The following ADK variants were observed in gnomAD, a reference collection of about 807,000 sequenced individuals.
The protein encoded by ADK is adenosine kinase, also known as N6,N6-dimethyladenosine kinase.
A neutral mutation model predicts 44.7 loss-of-function variants in ADK; 24 were observed. The observed-to-expected ratio is 0.54, with a 90% CI of 0.39 to 0.76. The LOEUF is 0.76. Among genes scored for constraint, ADK ranks in the 30% least tolerant of loss-of-function variants. The pLI, the probability that ADK is intolerant of heterozygous loss-of-function variation, is 0.00. For synonymous variants in ADK, 128 were observed against 142.6 expected, an observed-to-expected ratio of 0.90 and a Z score of 0.73; for missense variants, 321 against 425.1, an observed-to-expected ratio of 0.76 and a Z score of 2.15.
chr10:74,229,429 G>T (rs958152824), intron 3 of ADK, among the ~76,000 whole-genome samples: 3 of 129,192 alleles, frequency 2.3e-5, no homozygotes, highest in East Asian at 4.4e-4. Context: ...ATGGAGTCTC[G>T]CTCTGTCGCC....
chr10:74,480,663 C>A (rs1261508759), intron 6 of ADK, among the ~76,000 whole-genome samples: 1 of 152,088 alleles, frequency 6.6e-6, no homozygotes, highest in Non-Finnish European at 1.5e-5. Context: ...AATACTGTTT[C>A]ATCATTAAGG....
chr10:74,682,185 C>A (rs1190909226), intron 10 of ADK, among the ~76,000 whole-genome samples: 1 of 152,144 alleles, frequency 6.6e-6, no homozygotes, highest in Non-Finnish European at 1.5e-5. Context: ...CAAAATACTG[C>A]TTAGCAGTAC....
intron 6 of ADK, among the ~76,000 whole-genome samples, chr10:74,465,455 T>G (rs910051509): frequency 6.6e-6 from 1 of 152,164 alleles, no homozygotes; most frequent in African/African-American, 2.4e-5. Context: ...ATCAAAAGCC[T>G]TTAGAGGGTT....
chr10:74,488,248 T>C (rs961856031), intron 6 of ADK, among the ~76,000 whole-genome samples: 12 of 151,854 alleles, frequency 7.9e-5, no homozygotes, highest in African/African-American at 1.4e-4. Context: ...CTTGACTATA[T>C]ATTAGATAAT....
intron 6 of ADK, 22 bp from the exon 7 acceptor site, chr10:74,525,234 C>G (rs1437989392): frequency 6.2e-7 from 1 of 1,610,682 alleles, no homozygotes; most frequent in African/African-American, 1.3e-5. Context: ...TTCTAATTTT[C>G]CCTCCTTTTT....
At chr10:74,301,043 T>C (rs565010244) in intron 3 of ADK, among the ~76,000 whole-genome samples, 1 of 152,338 alleles carries the variant, frequency 6.6e-6, no homozygotes, top group South Asian at 2.1e-4. Context: ...AAAGCTCTGA[T>C]AGAATTCTAT....
chr10:74,409,668 T>C (rs1327346290), intron 6 of ADK, among the ~76,000 whole-genome samples: 1 of 152,166 alleles, frequency 6.6e-6, no homozygotes, highest in African/African-American at 2.4e-5. Context: ...TTGGAGAATG[T>C]GGTTTTTGTG....
At chr10:74,584,013 CAAG>C in intron 7 of ADK, among the ~76,000 whole-genome samples, 1 of 152,252 alleles carries the variant, frequency 6.6e-6, no homozygotes, top group East Asian at 1.9e-4. Flanking sequence ...GGCTTGTGAT[CAAG>C]AAGATGAACA....
intron 4 of ADK, among the ~76,000 whole-genome samples, chr10:74,331,674 C>T (rs553098922): frequency 2.4e-4 from 37 of 152,056 alleles, no homozygotes; most frequent in African/African-American, 6.5e-4. Flanking sequence ...TTAATAGAGA[C>T]GGGATTTCAT....
intron 5 of ADK, 69 bp from the exon 6 acceptor site, chr10:74,398,402 G>T: frequency 1.0e-6 from 1 of 989,598 alleles, no homozygotes. Flanking sequence ...AAAAATATTG[G>T]TAATTATCTA....
At chr10:74,622,921 C>T (rs549696250) in intron 9 of ADK, among the ~76,000 whole-genome samples, 3 of 152,146 alleles carry the variant, frequency 2.0e-5, no homozygotes, top group South Asian at 2.1e-4. Flanking sequence ...GCAGGAGAAT[C>T]GTTAGAACCC....
chr10:74,569,311 CAAATG>C (rs1322732637), intron 7 of ADK, among the ~76,000 whole-genome samples: 1 of 152,146 alleles, frequency 6.6e-6, no homozygotes, highest in African/African-American at 2.4e-5. Context: ...ATTGCTGGGT[CAAATG>C]GTATTTCTAG....
intron 1 of ADK, among the ~76,000 whole-genome samples, chr10:74,159,932 G>A (rs10740420): frequency 0.54 from 81,424 of 151,994 alleles, 22,816 homozygotes; most frequent in Non-Finnish European, 0.62. Context: ...GGAGTTCACC[G>A]CTTGTCTCTG....
At chr10:74,350,837 A>G (rs1029003347) in intron 4 of ADK, among the ~76,000 whole-genome samples, 2 of 152,166 alleles carry the variant, frequency 1.3e-5, no homozygotes, top group Non-Finnish European at 2.9e-5. Context: ...ACATTCCTGG[A>G]TACATTCCTG....
At chr10:74,377,546 G>A (rs1842852724) in intron 4 of ADK, among the ~76,000 whole-genome samples, 1 of 152,172 alleles carries the variant, frequency 6.6e-6, no homozygotes, top group Non-Finnish European at 1.5e-5. Flanking sequence ...GTGAAACTTA[G>A]GACTCAAAGG....
intron 6 of ADK, among the ~76,000 whole-genome samples, chr10:74,513,085 A>G (rs992744482): frequency 3.3e-5 from 5 of 152,068 alleles, no homozygotes; most frequent in Non-Finnish European, 5.9e-5. Context: ...TTCTCTTGTT[A>G]TAGATATCTA....
intron 6 of ADK, among the ~76,000 whole-genome samples, chr10:74,413,932 G>A (rs942460977): frequency 6.6e-6 from 1 of 152,158 alleles, no homozygotes; most frequent in African/African-American, 2.4e-5. Flanking sequence ...GAAATAGGGA[G>A]GCCTTAGGAG....
intron 9 of ADK, among the ~76,000 whole-genome samples, chr10:74,615,224 T>G (rs1852705233): frequency 6.6e-6 from 1 of 152,218 alleles, no homozygotes; most frequent in Non-Finnish European, 1.5e-5. Context: ...TAGTGTCCAG[T>G]CAATATATAG....
At chr10:74,223,329 A>G (rs1844398288) in intron 2 of ADK, among the ~76,000 whole-genome samples, 1 of 152,124 alleles carries the variant, frequency 6.6e-6, no homozygotes, top group Non-Finnish European at 1.5e-5. Context: ...TAATCCATTT[A>G]TGAAGGTGGA....
Sources: gnomAD v4.1 joint callset for allele counts (sites outside exome capture counted in the v4.1 genomes callset) on GRCh38, gnomAD v4.1.1 for gene constraint, MANE v1.5 for transcripts, NCBI Gene and HGNC (gene_info 2026-07-23, HGNC 2026-07-21) for gene names.